Variants in SNX29 observed in about 807,000 individuals in gnomAD.
The protein encoded by SNX29 is sorting nexin 29.
Under a neutral mutation model 102.1 loss-of-function variants are expected in SNX29, and 78 were observed. The ratio of observed to expected loss-of-function variants is 0.76; its 90% confidence interval spans 0.64 to 0.92. The LOEUF is 0.92. Ranked by LOEUF, SNX29 falls within the 40% of genes least tolerant of loss-of-function variation. The pLI, the probability that SNX29 is intolerant of heterozygous loss-of-function variation, is 0.00. For synonymous variants in SNX29, 580 were observed against 414.5 expected (o/e 1.40, Z -4.85); for missense variants, 1,280 against 1,061.7 (o/e 1.21, Z -2.86).
Position 12,060,144 on chromosome 16 carries a change from CAA to C in SNX29, c.1125-1376_1125-1375del, listed in dbSNP as rs201847438. On this transcript the variant is annotated intron_variant, in intron 8 of 20. Coordinates refer to ENST00000566228, the MANE Select transcript of SNX29 (RefSeq NM_032167.5). ...ACCAACTGTGGATCAAAAATATTAC[CAA>C]AAAAAAACCAATAAAAATAATACAA... Among the ~76,000 whole-genome samples, 28 of 150,064 alleles carry C rather than the reference CAA, an allele frequency of 1.9e-4. 2 individuals carry two copies. The South Asian group carries it at 4.8e-3, about 26-fold the overall frequency.
intron 20 of SNX29, among the ~76,000 whole-genome samples, chr16:12,566,537 C>G (rs542459208): frequency 3.3e-3 from 496 of 152,314 alleles, no homozygotes; most frequent in Non-Finnish European, 5.7e-3. Flanking sequence ...AAGAGCATGA[C>G]AGGAGGGGGT....
chr16:12,015,379 T>G (rs1364392049), intron 3 of SNX29, among the ~76,000 whole-genome samples: 1 of 152,106 alleles, frequency 6.6e-6, no homozygotes, highest in African/African-American at 2.4e-5. Flanking sequence ...TAGCTGGGAT[T>G]ACAGGCACGC....
At chr16:12,342,281 G>T (rs936210643) in intron 15 of SNX29, among the ~76,000 whole-genome samples, 3 of 152,178 alleles carry the variant, frequency 2.0e-5, no homozygotes, top group Non-Finnish European at 4.4e-5. Context: ...CCTCCTGAGG[G>T]CAAGAGTGTA....
intron 15 of SNX29, among the ~76,000 whole-genome samples, chr16:12,280,938 C>CA (rs2079410289): frequency 6.6e-6 from 1 of 152,178 alleles, no homozygotes; most frequent in Admixed American, 6.5e-5. Context: ...GACAGGGTCT[C>CA]AGTCTGTCGC....
chr16:12,533,948 C>G (rs1056869582), intron 20 of SNX29, among the ~76,000 whole-genome samples: 7 of 152,354 alleles, frequency 4.6e-5, no homozygotes, highest in African/African-American at 9.6e-5. Flanking sequence ...GTTGGAAACT[C>G]CTTTGTTTGC....
intron 3 of SNX29, among the ~76,000 whole-genome samples, chr16:12,005,033 A>C (rs981984040): frequency 6.6e-6 from 1 of 152,208 alleles, no homozygotes; most frequent in African/African-American, 2.4e-5. Context: ...ATCACATTGT[A>C]CTGTAGTCAA....
At chr16:12,562,605 G>A (rs1036504971) in intron 20 of SNX29, among the ~76,000 whole-genome samples, 3 of 152,176 alleles carry the variant, frequency 2.0e-5, no homozygotes, top group African/African-American at 4.8e-5. Context: ...AAAGGTCGCT[G>A]GCTCTTGAGA....
intron 11 of SNX29, chr16:12,087,653 C>T (rs11648468): frequency 0.21 from 74,627 of 358,192 alleles, 8,111 homozygotes; most frequent in Admixed American, 0.27. Context: ...CGTCATTATG[C>T]GAGATGCCTC....
chr16:12,183,847 A>C (rs2141852529), intron 13 of SNX29, among the ~76,000 whole-genome samples: 1 of 152,360 alleles, frequency 6.6e-6, no homozygotes, highest in South Asian at 2.1e-4. Flanking sequence ...GATGACGATG[A>C]GAGTGACCTC....
rs912665028 is a variant in SNX29, at chr16:12,571,327, G to A, written c.*2698G>A. The A allele has an allele frequency of 4.3e-6, 1 of 231,556 alleles. No homozygotes were observed. Among genetic ancestry groups the A allele is most frequent in the African/African-American group, 2.2e-5 (1 of 45,344 alleles). The allele number at this position is 231,556 out of a possible 1,614,324, so 14.3% of individuals were successfully genotyped here. ...AAATGTGTCAACTGCCTGTCAGCCT[G>A]GATTCAATTCTGAGGGCTAAGCCAC... On this transcript the variant is annotated 3_prime_UTR_variant, in exon 21 of 21. Transcript: ENST00000566228.
At chr16:12,391,913 G>A (rs1341645793) in intron 16 of SNX29, among the ~76,000 whole-genome samples, 1 of 152,108 alleles carries the variant, frequency 6.6e-6, no homozygotes, top group East Asian at 1.9e-4. Flanking sequence ...AGGTTAACAA[G>A]TCATGTACAT....
intron 11 of SNX29, among the ~76,000 whole-genome samples, chr16:12,102,962 A>G (rs2053083959): frequency 6.6e-6 from 1 of 152,246 alleles, no homozygotes; most frequent in Non-Finnish European, 1.5e-5. Context: ...AATTGCTACA[A>G]AGAAAATAAC....
In SNX29 at chr16:12,571,692, GACA is replaced by G. The variant is rs1434800626; in HGVS notation, c.*3068_*3070del. 18 of 1,056,110 alleles carry G rather than the reference GACA, an allele frequency of 1.7e-5. No homozygotes were observed. Among genetic ancestry groups the G allele is most frequent in the Non-Finnish European group, 1.9e-5 (17 of 873,598 alleles). 65.4% of individuals were successfully genotyped at this position (1,056,110 alleles called of 1,614,324 possible). On this transcript the variant is annotated 3_prime_UTR_variant, in exon 21 of 21. Transcript: ENST00000566228. ...TGGGCAGAGGTGTCTCTCCTTGAGAGACAACAAAAGCTTCTAAGGGAGGGAGCT... is the reference window on the plus strand; with the variant it reads ...TGGGCAGAGGTGTCTCTCCTTGAGAGACAAAAGCTTCTAAGGGAGGGAGCT...
intron 19 of SNX29, among the ~76,000 whole-genome samples, chr16:12,493,126 A>G (rs1464619012): frequency 3.9e-5 from 6 of 152,310 alleles, no homozygotes; most frequent in African/African-American, 1.2e-4. Flanking sequence ...CTTGGGCAGT[A>G]TGGCCGTTTT....
At chr16:12,350,192 CTG>C (rs2081955058) in intron 15 of SNX29, among the ~76,000 whole-genome samples, 1 of 152,204 alleles carries the variant, frequency 6.6e-6, no homozygotes, top group African/African-American at 2.4e-5. Flanking sequence ...AGTTGGCCCT[CTG>C]TATCTGCGAC....
rs201129580 is a variant in SNX29 at position 12,573,098 on chromosome 16, TTA to T, written c.*4471_*4472del. ...ATTTCTGTGCCAAGAAAGTTCATCT[TTA>T]TGTTTTTCTAATACACAATCTTGAT... On this transcript the variant is annotated 3_prime_UTR_variant, in exon 21 of 21. Transcript: ENST00000566228. The T allele has an allele frequency of 0.011, 2,554 of 230,190 alleles. 24 individuals are homozygous for T. Among genetic ancestry groups the T allele is most frequent in the South Asian group, 0.033 (180 of 5,520 alleles). The allele number at this position is 230,190 out of a possible 1,614,324, so 14.3% of individuals were successfully genotyped here.
chr16:12,146,186 A>G (rs1348406724), intron 13 of SNX29, among the ~76,000 whole-genome samples: 1 of 152,062 alleles, frequency 6.6e-6, no homozygotes, highest in Non-Finnish European at 1.5e-5. Flanking sequence ...CTATCTCAGT[A>G]TCTGTGTGTA....
Position 12,033,784 on chromosome 16 carries a change from T to C in SNX29, c.247+6340T>C, listed in dbSNP as rs182851469. 3.1e-3 allele frequency among the ~76,000 whole-genome samples: 466 copies of C among 152,162 alleles called. 3 individuals are homozygous for C. Among genetic ancestry groups the C allele is most frequent in the African/African-American group, 0.011 (446 of 41,494 alleles). ...ACCATGCCTGGTTAAGTTTTATATT[T>C]TTAGTAGAGACGGGGTTTCATCATA... On this transcript the variant is annotated intron_variant, in intron 4 of 20. Transcript: ENST00000566228.
intron 3 of SNX29, among the ~76,000 whole-genome samples, chr16:12,012,624 G>A (rs2056691521): frequency 6.6e-6 from 1 of 152,012 alleles, no homozygotes; most frequent in Admixed American, 6.6e-5. Context: ...GGCCAGGCTG[G>A]TCTTAAACTC....
Sources: allele counts gnomAD v4.1 joint callset (sites outside exome capture counted in the v4.1 genomes callset), GRCh38; gene constraint gnomAD v4.1.1; transcripts MANE v1.5; gene names NCBI Gene and HGNC (gene_info 2026-07-23, HGNC 2026-07-21).